Variants in UBE2O observed in about 807,000 individuals in gnomAD.
UBE2O encodes (E3-independent) E2 ubiquitin-conjugating enzyme.
Under a neutral mutation model 125.8 loss-of-function variants are expected in UBE2O, and 15 were observed. That is an observed-to-expected ratio of 0.12 (90% CI 0.08 to 0.18). The LOEUF is 0.18. Among genes scored for constraint, UBE2O ranks in the 10% least tolerant of loss-of-function variants. The pLI is 1.00. For missense variants in UBE2O, 1,280 were observed against 1,723.6 expected (o/e 0.74, Z 4.56); for synonymous variants, 708 against 703.2 (o/e 1.01, Z -0.11).
At position 76,400,170 on chromosome 17, in the gene UBE2O, C is replaced by A. The variant is rs534540587; in HGVS notation, c.1132G>T (p.Gly378Trp). Residue 378 changes from glycine to tryptophan, a missense_variant, in exon 8 of 18, where the codon GGG becomes TGG. Gly to Trp is a radical substitution (Grantham distance 184). Transcript: ENST00000319380. The surrounding 1 kb of genome is among the most constrained non-coding windows in gnomAD (Gnocchi z 4.3). The stretch of plus-strand genomic sequence containing the variant: ...ACCTTCTTGGCCATAGAGCCCTCCC[C>A]CTGGGCGCAGTTTTTTTCTGGACAT... ...WECPEKNCAQ[G>W]EGSMAKKVKR... 10 of 1,614,156 alleles carry A rather than the reference C, an allele frequency of 6.2e-6. No individual in the cohort carries two copies. The South Asian group carries it at 6.6e-5, about 11-fold the overall frequency.
intron 1 of UBE2O, among the ~76,000 whole-genome samples, chr17:76,442,280 G>A (rs1484006586): frequency 1.3e-5 from 2 of 152,140 alleles, no homozygotes; most frequent in Non-Finnish European, 2.9e-5. Flanking sequence ...ATGCCCATAC[G>A]TCCCAGTCCT....
intron 1 of UBE2O, among the ~76,000 whole-genome samples, chr17:76,449,192 C>A (rs2073196076): frequency 6.6e-6 from 1 of 152,240 alleles, no homozygotes; most frequent in Non-Finnish European, 1.5e-5. Context: ...AAGATTAAGC[C>A]TTTACTCATT....
In UBE2O at chr17:76,400,601, C is replaced by T; in HGVS notation, c.895-51G>A. On this transcript the variant is annotated intron_variant, in intron 6 of 17. Transcript: ENST00000319380. This position sits in a 1 kb window ranked among gnomAD's most constrained non-coding sequence, Gnocchi z 4.3. Reference sequence around the variant, plus strand: ...AGTCAGGGCAGGCTCTGACAGCACTCTCTTTAGCCAGCTGCCCAAAGCCCA... The same window carrying T: ...AGTCAGGGCAGGCTCTGACAGCACTTTCTTTAGCCAGCTGCCCAAAGCCCA... 7.5e-7 allele frequency: 1 copy of T among 1,334,670 alleles called. No individual in the cohort carries two copies. The allele number at this position is 1,334,670 out of a possible 1,614,324, so 82.7% of individuals were successfully genotyped here.
Position 76,398,559 on chromosome 17 carries a change from G to C in UBE2O, c.1809C>G (p.Val603=). 1 of 1,614,082 alleles carries C rather than the reference G, an allele frequency of 6.2e-7. No homozygotes were observed. Among genetic ancestry groups the C allele is most frequent in the Non-Finnish European group, 8.5e-7 (1 of 1,180,002 alleles). The change falls in exon 11 of 18, where the codon GTC becomes GTG. Residue 603 remains valine, a synonymous_variant. Transcript: ENST00000319380. The surrounding 1 kb of genome is among the most constrained non-coding windows in gnomAD (Gnocchi z 5.4). ...KRVQSCPDPA[V]YGVVQSGDHI... ...GGTCCCCAGACTGTACCACACCGTA[G>C]ACAGCAGGGTCTGGACAGCTCTGGA...
intron 1 of UBE2O, among the ~76,000 whole-genome samples, chr17:76,429,818 T>A (rs1266859142): frequency 2.0e-5 from 3 of 152,210 alleles, no homozygotes; most frequent in Admixed American, 2.0e-4. Flanking sequence ...TCTTTTAGTG[T>A]GCAGACGTTC....
intron 1 of UBE2O, among the ~76,000 whole-genome samples, chr17:76,422,917 G>A (rs2072734561): frequency 6.6e-6 from 1 of 152,356 alleles, no homozygotes; most frequent in African/African-American, 2.4e-5. Flanking sequence ...ACTAGAGACA[G>A]CTGAAGGAAA....
Position 76,390,729 on chromosome 17 carries a change from G to T in UBE2O, c.*214C>A. 2.2e-6 allele frequency: 1 copy of T among 458,866 alleles called. No homozygotes were observed. Among genetic ancestry groups the T allele is most frequent in the Non-Finnish European group, 3.8e-6 (1 of 262,752 alleles). The allele number at this position is 458,866 out of a possible 1,614,324, so 28.4% of individuals were successfully genotyped here. A position where few individuals can be genotyped will look rare whatever the true frequency, so the allele number is the denominator to read the frequency against. ...CAGGGTTCCGATTTTCTTTGCCACAGGGGACCCGCCTGTTGAAAGCTCGCT... is the reference window on the plus strand; with the variant it reads ...CAGGGTTCCGATTTTCTTTGCCACATGGGACCCGCCTGTTGAAAGCTCGCT... On this transcript the variant is annotated 3_prime_UTR_variant, in exon 18 of 18. Coordinates refer to ENST00000319380, the MANE Select transcript of UBE2O (RefSeq NM_022066.4).
At chr17:76,433,141 C>T (rs1170570457) in intron 1 of UBE2O, among the ~76,000 whole-genome samples, 7 of 152,056 alleles carry the variant, frequency 4.6e-5, no homozygotes, top group Non-Finnish European at 8.8e-5. Context: ...GACTTGAATG[C>T]TTATAGCAGC....
chr17:76,392,692 C>T lies in UBE2O; in HGVS notation c.2947-579G>A, dbSNP rs1458729809. Among the ~76,000 whole-genome samples the T allele has an allele frequency of 2.0e-5, 3 of 152,060 alleles. No individual in the cohort carries two copies. In the South Asian group the frequency reaches 6.2e-4, roughly 32 times the overall value. Reference sequence around the variant, plus strand: ...TTCCAGCTGGGCGCGGTGGTTCGTGCCTGTAATCCCAGCACTTTGGGAGGC... The same window carrying T: ...TTCCAGCTGGGCGCGGTGGTTCGTGTCTGTAATCCCAGCACTTTGGGAGGC... On this transcript the variant is annotated intron_variant, in intron 15 of 17. Transcript: ENST00000319380.
chr17:76,414,584 G>A (rs765802909), intron 1 of UBE2O, among the ~76,000 whole-genome samples: 1 of 152,220 alleles, frequency 6.6e-6, no homozygotes, highest in African/African-American at 2.4e-5. Context: ...AGACTCTCAG[G>A]CTGGGCAATA....
intron 1 of UBE2O, among the ~76,000 whole-genome samples, chr17:76,433,927 T>C (rs1167450542): frequency 6.6e-6 from 1 of 152,108 alleles, no homozygotes; most frequent in Non-Finnish European, 1.5e-5. Context: ...AGCTACAGTG[T>C]TTCCTGTAAA....
intron 1 of UBE2O, among the ~76,000 whole-genome samples, chr17:76,441,528 C>T (rs2073074958): frequency 6.6e-6 from 1 of 152,136 alleles, no homozygotes; most frequent in Non-Finnish European, 1.5e-5. Context: ...GAGAAAAAGC[C>T]TCGAACCAAA....
At chr17:76,416,184 ATATG>A (rs1396545814) in intron 1 of UBE2O, among the ~76,000 whole-genome samples, 2 of 151,714 alleles carry the variant, frequency 1.3e-5, no homozygotes, top group African/African-American at 4.8e-5. Flanking sequence ...GTGTGTGTGT[ATATG>A]TATATGTGTA....
intron 1 of UBE2O, among the ~76,000 whole-genome samples, chr17:76,420,857 G>A (rs1241425115): frequency 6.6e-6 from 1 of 152,144 alleles, no homozygotes; most frequent in African/African-American, 2.4e-5. Flanking sequence ...ACCCCAGTGA[G>A]TTGGCAGGGA....
At chr17:76,403,374 C>T (rs1283296289) in intron 3 of UBE2O, among the ~76,000 whole-genome samples, 1 of 151,952 alleles carries the variant, frequency 6.6e-6, no homozygotes, top group Non-Finnish European at 1.5e-5. Flanking sequence ...GCTCAAGCGA[C>T]TCTCCCACCT....
Position 76,410,776 on chromosome 17 carries a change from C to T in UBE2O, c.418-5204G>A, listed in dbSNP as rs912871850. Among the ~76,000 whole-genome samples the T allele has an allele frequency of 2.6e-5, 4 of 152,052 alleles. No individual in the cohort carries two copies. The highest frequency in any genetic ancestry group is 2.1e-4 in the South Asian group (1 of 4,820). On this transcript the variant is annotated intron_variant, in intron 1 of 17. Transcript: ENST00000319380. The surrounding 1 kb of genome is among the most constrained non-coding windows in gnomAD (Gnocchi z 4.0). Reference sequence around the variant, plus strand: ...TCCTGCCAGGAGCACTCTCCCTCCACGGCTGCCTGACTCCCAAGGCACATG... The same window carrying T: ...TCCTGCCAGGAGCACTCTCCCTCCATGGCTGCCTGACTCCCAAGGCACATG...
intron 1 of UBE2O, among the ~76,000 whole-genome samples, chr17:76,406,231 C>T (rs569186831): frequency 1.8e-4 from 28 of 152,342 alleles, no homozygotes; most frequent in African/African-American, 6.0e-4. Context: ...CAGCTGGCAG[C>T]GGCCACTGCC....
Position 76,401,091 on chromosome 17 carries a change from T to A in UBE2O, c.814A>T (p.Ile272Phe). Reference protein sequence around the residue: ...PGQVLIGPAKIFSSVQWLSGV... With the variant: ...PGQVLIGPAKFFSSVQWLSGV... The stretch of plus-strand genomic sequence containing the variant: ...GACAGCCACTGGACGCTGGAGAAGA[T>A]CTTGGCAGGGCCAATGAGCACCTGG... The change falls in exon 6 of 18, where the codon ATC becomes TTC. Residue 272 changes from isoleucine to phenylalanine, a missense_variant. Physicochemically the swap from Ile to Phe is conservative, Grantham distance 21. This residue lies in a region of UBE2O where 206 missense variants were observed against 315.7 expected (regional missense o/e 0.65). Coordinates refer to ENST00000319380, the MANE Select transcript of UBE2O (RefSeq NM_022066.4). 6.2e-7 allele frequency: 1 copy of A among 1,613,912 alleles called. No homozygotes were observed. The highest frequency in any genetic ancestry group is 8.5e-7 in the Non-Finnish European group (1 of 1,180,020).
rs957119210 is a variant in UBE2O at position 76,423,073 on chromosome 17, G to A, written c.418-17501C>T. Among the ~76,000 whole-genome samples the A allele has an allele frequency of 7.2e-5, 11 of 152,318 alleles. No homozygotes were observed. The East Asian group carries it at 1.2e-3, about 16-fold the overall frequency. ...TGGCGTGGGCAGAATCCCCAATGGC[G>A]GGGCCTGGAGAACATCTGGCAATGC... On this transcript the variant is annotated intron_variant, in intron 1 of 17. Transcript: ENST00000319380.
Sources: allele counts gnomAD v4.1 joint callset (sites outside exome capture counted in the v4.1 genomes callset), GRCh38; gene constraint gnomAD v4.1.1; regional missense constraint gnomAD v4.1.1; non-coding constraint Gnocchi (gnomAD v3.1); transcripts MANE v1.5; gene names NCBI Gene and HGNC (gene_info 2026-07-23, HGNC 2026-07-21).